Variants in NAALADL2 observed in about 807,000 individuals in gnomAD.
NAALADL2 encodes N-acetylated alpha-linked acidic dipeptidase like 2.
NAALADL2 carries 76 observed loss-of-function variants against 87.2 expected under a neutral mutation model. That is an observed-to-expected ratio of 0.87 (90% CI 0.72 to 1.05). NAALADL2 has a LOEUF of 1.05. Ranked by LOEUF, NAALADL2 falls within the 50% of genes least tolerant of loss-of-function variation. NAALADL2 has a pLI of 0.00. For synonymous variants in NAALADL2, 354 were observed against 331.0 expected (o/e 1.07, Z -0.75); for missense variants, 1,089 against 945.8 (o/e 1.15, Z -1.99).
intron 9 of NAALADL2, among the ~76,000 whole-genome samples, chr3:175,513,915 A>T (rs1276467785): frequency 6.6e-6 from 1 of 152,254 alleles, no homozygotes; most frequent in Non-Finnish European, 1.5e-5. Flanking sequence ...GGGTGAGAGG[A>T]TCAAAAATGT....
intron 1 of NAALADL2, among the ~76,000 whole-genome samples, chr3:174,481,780 G>A (rs948099737): frequency 6.6e-6 from 1 of 152,068 alleles, no homozygotes; most frequent in Admixed American, 6.6e-5. Context: ...CACAGATGGT[G>A]CTTTTAATTT....
intron 5 of NAALADL2, among the ~76,000 whole-genome samples, chr3:175,374,873 C>CAAATAAAT (rs35005055): frequency 9.7e-4 from 142 of 147,132 alleles, no homozygotes; most frequent in East Asian, 2.2e-3. Context: ...GACCCTGTCG[C>CAAATAAAT]AAATAAATAA....
intron 2 of NAALADL2, among the ~76,000 whole-genome samples, chr3:175,161,284 A>G (rs1445518514): frequency 6.6e-6 from 1 of 152,098 alleles, no homozygotes; most frequent in Non-Finnish European, 1.5e-5. Flanking sequence ...TGGACAGATA[A>G]TAAGTAGCTC....
At chr3:175,333,846 G>A (rs1761685184) in intron 5 of NAALADL2, among the ~76,000 whole-genome samples, 1 of 152,090 alleles carries the variant, frequency 6.6e-6, no homozygotes, top group African/African-American at 2.4e-5. Flanking sequence ...TGTTCCCAAT[G>A]TACAGAAATA....
intron 1 of NAALADL2, among the ~76,000 whole-genome samples, chr3:174,970,805 A>G (rs1743520429): frequency 1.3e-5 from 2 of 152,068 alleles, no homozygotes; most frequent in Admixed American, 1.3e-4. Flanking sequence ...GGTCTCATTA[A>G]CCCTTTCTCA....
At chr3:175,567,321 A>G (rs1025367287) in intron 9 of NAALADL2, among the ~76,000 whole-genome samples, 2 of 152,228 alleles carry the variant, frequency 1.3e-5, no homozygotes, top group Non-Finnish European at 2.9e-5. Flanking sequence ...GGAGTAGAGA[A>G]GAAAACACCA....
Position 175,486,804 on chromosome 3 carries a change from T to A in NAALADL2, c.1653+15046T>A, listed in dbSNP as rs11920303. ...ACTCAGTTGTTTAGGACAAAGACCT[T>A]GGAGACCTCTTTCACTCCTCTCTTT... On this transcript the variant is annotated intron_variant, in intron 9 of 13. Coordinates refer to ENST00000454872, the MANE Select transcript of NAALADL2 (RefSeq NM_207015.3). Among the ~76,000 whole-genome samples, 8 of 152,180 alleles carry A rather than the reference T, an allele frequency of 5.3e-5. No individual in the cohort carries two copies. In the East Asian group the frequency reaches 1.6e-3, roughly 30 times the overall value.
intron 3 of NAALADL2, among the ~76,000 whole-genome samples, chr3:174,832,238 G>A (rs1722805615): frequency 6.6e-6 from 1 of 151,668 alleles, no homozygotes; most frequent in South Asian, 2.1e-4. Context: ...TTTCTCTTAT[G>A]GGCATTTAGT....
intron 2 of NAALADL2, among the ~76,000 whole-genome samples, chr3:175,216,308 G>A (rs1024518868): frequency 3.2e-4 from 49 of 152,032 alleles, no homozygotes; most frequent in African/African-American, 1.2e-3. Flanking sequence ...CATCTCTTTA[G>A]CCTAATTTTT....
At chr3:175,140,664 A>G (rs1355412501) in intron 2 of NAALADL2, among the ~76,000 whole-genome samples, 1 of 152,162 alleles carries the variant, frequency 6.6e-6, no homozygotes, top group Non-Finnish European at 1.5e-5. Context: ...TGGCTGGAGC[A>G]TGAGTTTAAT....
At chr3:175,498,977 C>G (rs1462744672) in intron 9 of NAALADL2, among the ~76,000 whole-genome samples, 3 of 152,088 alleles carry the variant, frequency 2.0e-5, no homozygotes, top group Admixed American at 6.6e-5. Flanking sequence ...AGTTATTATA[C>G]TACTTAAATT....
chr3:174,465,610 C>T (rs1176418567), intron 1 of NAALADL2, among the ~76,000 whole-genome samples: 3 of 152,108 alleles, frequency 2.0e-5, no homozygotes, highest in South Asian at 2.1e-4. Flanking sequence ...GTTTGAATTA[C>T]AGCATAAAAA....
At chr3:174,561,589 A>G (rs991884812) in intron 2 of NAALADL2, among the ~76,000 whole-genome samples, 13 of 152,192 alleles carry the variant, frequency 8.5e-5, no homozygotes, top group Non-Finnish European at 1.5e-4. Context: ...AGAGAGGATA[A>G]TCAGATATTG....
rs1470439593 is a variant in NAALADL2 at position 175,311,829 on chromosome 3, T to G, written c.940-12346T>G. ...TAACTTTCTAAATAACTTCAAGTAT[T>G]TTTTTCCTTTACAAAAGCAGGAGGT... On this transcript the variant is annotated intron_variant, in intron 4 of 13. Coordinates refer to ENST00000454872, the MANE Select transcript of NAALADL2 (RefSeq NM_207015.3). 2.0e-4 allele frequency among the ~76,000 whole-genome samples: 31 copies of G among 152,138 alleles called. 1 individual carries two copies. The highest frequency in any genetic ancestry group is 2.0e-3 in the Admixed American group (31 of 15,258).
At chr3:174,849,273 C>T (rs1724973293) in intron 3 of NAALADL2, among the ~76,000 whole-genome samples, 1 of 152,102 alleles carries the variant, frequency 6.6e-6, no homozygotes, top group African/African-American at 2.4e-5. Flanking sequence ...ATCTTTTATA[C>T]TTTACAAACT....
intron 2 of NAALADL2, among the ~76,000 whole-genome samples, chr3:174,696,063 A>C (rs483941): frequency 6.6e-6 from 1 of 151,804 alleles, no homozygotes; most frequent in Admixed American, 6.6e-5. Flanking sequence ...GTTTAACCCA[A>C]TCCCGATAAT....
At chr3:175,055,762 T>G (rs563874718) in intron 1 of NAALADL2, among the ~76,000 whole-genome samples, 1 of 152,208 alleles carries the variant, frequency 6.6e-6, no homozygotes, top group Non-Finnish European at 1.5e-5. Flanking sequence ...CATTCTTTTT[T>G]AGTACGACCA....
chr3:175,332,438 CCAAAGGGATGTGCCACCAT>C (rs1185936381), intron 5 of NAALADL2, among the ~76,000 whole-genome samples: 1 of 152,124 alleles, frequency 6.6e-6, no homozygotes, highest in African/African-American at 2.4e-5. Flanking sequence ...GTAGCTGGGA[CCAAAGGGATGTGCCACCAT>C]GCCTGGCTAA....
chr3:174,618,522 C>T (rs1189611352), intron 2 of NAALADL2, among the ~76,000 whole-genome samples: 1 of 151,620 alleles, frequency 6.6e-6, no homozygotes, highest in Non-Finnish European at 1.5e-5. Flanking sequence ...TTATTTCCTG[C>T]CCTAGAGTAC....
Sources: gnomAD v4.1 joint callset for allele counts (sites outside exome capture counted in the v4.1 genomes callset) on GRCh38, gnomAD v4.1.1 for gene constraint, MANE v1.5 for transcripts, NCBI Gene and HGNC (gene_info 2026-07-23, HGNC 2026-07-21) for gene names.